Variants in CADM2 observed in about 807,000 individuals in gnomAD.
CADM2 encodes cell adhesion molecule 2.
In CADM2, 12 loss-of-function variants were observed where a neutral mutation model predicts 49.8. That is an observed-to-expected ratio of 0.24 (90% confidence interval 0.15 to 0.39). CADM2 has a LOEUF of 0.39. Among genes scored for constraint, CADM2 ranks in the 10% least tolerant of loss-of-function variants. CADM2 has a pLI of 1.00. For missense variants in CADM2, 378 were observed against 492.3 expected (o/e 0.77, Z 2.20); for synonymous variants, 214 against 175.4 (o/e 1.22, Z -1.74).
At chr3:85,410,547 T>C (rs1559825783) in intron 1 of CADM2, among the ~76,000 whole-genome samples, 1 of 152,204 alleles carries the variant, frequency 6.6e-6, no homozygotes, top group Non-Finnish European at 1.5e-5. Flanking sequence ...ATTGTGGATT[T>C]TTTAAAAAGG....
At chr3:85,972,034 G>T (rs775083265) in intron 8 of CADM2, among the ~76,000 whole-genome samples, 1 of 151,554 alleles carries the variant, frequency 6.6e-6, no homozygotes, top group Non-Finnish European at 1.5e-5. Context: ...AGCAGATGGG[G>T]TTACTATATG....
chr3:85,871,818 G>A (rs1047989871), intron 3 of CADM2, among the ~76,000 whole-genome samples: 4 of 152,074 alleles, frequency 2.6e-5, no homozygotes, highest in Non-Finnish European at 5.9e-5. Context: ...TGAGCACATG[G>A]TTGGTAGGCA....
At position 85,066,378 on chromosome 3, in the gene CADM2, A is replaced by AT. The variant is rs2036530321; in HGVS notation, c.61+106713dup. On this transcript the variant is annotated intron_variant, in intron 1 of 9. Transcript: ENST00000383699. ...CTAGGGGTAAAATGCTGGAATCAGC[A>AT]TTTAAAAAAAAAAAAATCCCCAAAG... Among the ~76,000 whole-genome samples the AT allele has an allele frequency of 2.2e-5, 3 of 134,202 alleles. No homozygotes were observed. In the South Asian group the frequency reaches 6.8e-4, roughly 30 times the overall value. The allele number at this position is 134,202 out of a possible 152,430, so 88.0% of individuals were successfully genotyped here.
At position 85,293,850 on chromosome 3, in the gene CADM2, C is replaced by G. The variant is rs1204308451; in HGVS notation, c.61+334182C>G. On this transcript the variant is annotated intron_variant, in intron 1 of 9. Transcript: ENST00000383699. Reference sequence around the variant, plus strand: ...CAATATCATACTGAATGGGCAAAAACTGGAAGCATTCCCTTTGAAAACTGG... The same window carrying G: ...CAATATCATACTGAATGGGCAAAAAGTGGAAGCATTCCCTTTGAAAACTGG... Among the ~76,000 whole-genome samples the G allele has an allele frequency of 2.0e-5, 3 of 149,814 alleles. No individual in the cohort carries two copies. The East Asian group carries it at 5.9e-4, about 29-fold the overall frequency.
At chr3:85,530,321 C>CT (rs2061270952) in intron 1 of CADM2, among the ~76,000 whole-genome samples, 4 of 119,058 alleles carry the variant, frequency 3.4e-5, no homozygotes, top group South Asian at 2.6e-4. Context: ...TTCTTTTCTC[C>CT]GTTTTTTTTT....
At chr3:85,382,118 T>C (rs1006939491) in intron 1 of CADM2, among the ~76,000 whole-genome samples, 6 of 152,064 alleles carry the variant, frequency 3.9e-5, no homozygotes, top group Non-Finnish European at 8.8e-5. Context: ...CTTGGAGACT[T>C]ACTGCAGTGG....
intron 6 of CADM2, among the ~76,000 whole-genome samples, chr3:85,917,031 A>C (rs780509623): frequency 6.6e-6 from 1 of 151,362 alleles, no homozygotes; most frequent in Non-Finnish European, 1.5e-5. Context: ...TTTTTATTGT[A>C]AATTTGTTTG....
intron 1 of CADM2, among the ~76,000 whole-genome samples, chr3:85,031,669 C>T (rs13077220): frequency 4.8e-4 from 73 of 152,184 alleles, no homozygotes; most frequent in South Asian, 8.3e-4. Flanking sequence ...CACACGCCAC[C>T]ACGCCCGGCT....
At chr3:85,406,803 C>G (rs1246726626) in intron 1 of CADM2, among the ~76,000 whole-genome samples, 1 of 152,122 alleles carries the variant, frequency 6.6e-6, no homozygotes, top group Admixed American at 6.6e-5. Flanking sequence ...GAGCTACCAC[C>G]TCTTGACTGC....
chr3:85,177,043 C>A (rs1303837515), intron 1 of CADM2, among the ~76,000 whole-genome samples: 1 of 152,122 alleles, frequency 6.6e-6, no homozygotes, highest in Non-Finnish European at 1.5e-5. Context: ...ACTCCCTATC[C>A]ATAGCAAAAG....
At chr3:85,273,560 A>G (rs1004450045) in intron 1 of CADM2, among the ~76,000 whole-genome samples, 1 of 150,654 alleles carries the variant, frequency 6.6e-6, no homozygotes, top group Non-Finnish European at 1.5e-5. Flanking sequence ...CAAGAATATA[A>G]GAACGAAATA....
intron 5 of CADM2, among the ~76,000 whole-genome samples, chr3:85,898,217 T>C (rs988058890): frequency 3.3e-5 from 5 of 152,132 alleles, no homozygotes; most frequent in African/African-American, 1.2e-4. Context: ...AGTGGTTGAG[T>C]TGAAAGAATA....
chr3:85,131,742 C>T (rs996045414), intron 1 of CADM2, among the ~76,000 whole-genome samples: 4 of 151,970 alleles, frequency 2.6e-5, no homozygotes, highest in Non-Finnish European at 2.9e-5. Flanking sequence ...AAAATGTTCC[C>T]CTTCAAATTT....
chr3:85,243,571 G>A (rs145244191), intron 1 of CADM2, among the ~76,000 whole-genome samples: 95 of 152,032 alleles, frequency 6.2e-4, no homozygotes, highest in Non-Finnish European at 1.0e-3. Context: ...GCTCTTCAAC[G>A]TAATTTTGCA....
intron 1 of CADM2, among the ~76,000 whole-genome samples, chr3:85,632,985 T>C (rs2064357370): frequency 6.6e-6 from 1 of 152,116 alleles, no homozygotes; most frequent in South Asian, 2.1e-4. Context: ...TTATTTTAAT[T>C]CATATCACGA....
chr3:85,920,499 G>T (rs919046382), intron 6 of CADM2, among the ~76,000 whole-genome samples: 1 of 151,748 alleles, frequency 6.6e-6, no homozygotes, highest in Non-Finnish European at 1.5e-5. Flanking sequence ...TTTAGTAAGA[G>T]ATGCATTTCA....
At chr3:85,338,310 T>C (rs2045146433) in intron 1 of CADM2, among the ~76,000 whole-genome samples, 1 of 151,684 alleles carries the variant, frequency 6.6e-6, no homozygotes, top group Non-Finnish European at 1.5e-5. Context: ...TTCATCTGTT[T>C]AGTGAAAATA....
intron 1 of CADM2, among the ~76,000 whole-genome samples, chr3:85,313,832 A>C (rs1169538226): frequency 6.6e-6 from 1 of 152,170 alleles, no homozygotes; most frequent in Non-Finnish European, 1.5e-5. Context: ...AATTTGTTTT[A>C]AAATGGAAAA....
intron 1 of CADM2, among the ~76,000 whole-genome samples, chr3:85,496,645 T>G (rs531456146): frequency 2.4e-4 from 36 of 152,284 alleles, no homozygotes; most frequent in South Asian, 1.7e-3. Flanking sequence ...CTGAACTAAT[T>G]TGCAGTCCCA....
Sources: gnomAD v4.1 joint callset for allele counts (sites outside exome capture counted in the v4.1 genomes callset) on GRCh38, gnomAD v4.1.1 for gene constraint, MANE v1.5 for transcripts, NCBI Gene and HGNC (gene_info 2026-07-23, HGNC 2026-07-21) for gene names.